The following EPHA6 variants were observed in gnomAD, a reference collection of about 807,000 sequenced individuals.
The protein encoded by EPHA6 is ephrin type-A receptor 6.
In EPHA6, 50 loss-of-function variants were observed where a neutral mutation model predicts 112.0. That is an observed-to-expected ratio of 0.45 (90% confidence interval 0.36 to 0.56). The LOEUF (loss-of-function observed/expected upper bound fraction) is 0.56. Ranked by LOEUF, EPHA6 falls within the 20% of genes least tolerant of loss-of-function variation. The pLI, the probability that EPHA6 is intolerant of heterozygous loss-of-function variation, is 0.00. For missense variants in EPHA6, 1,280 were observed against 1,417.4 expected, an observed-to-expected ratio of 0.90 and a Z score of 1.56; for synonymous variants, 529 against 490.7, an observed-to-expected ratio of 1.08 and a Z score of -1.03.
chr3:97,267,997 G>GAC (rs2079746626), intron 5 of EPHA6, among the ~76,000 whole-genome samples: 1 of 152,122 alleles, frequency 6.6e-6, no homozygotes, highest in African/African-American at 2.4e-5. Context: ...AACAAAGGTA[G>GAC]GGTCTTGCTG....
At chr3:97,199,932 A>C (rs1050901382) in intron 3 of EPHA6, among the ~76,000 whole-genome samples, 1 of 152,138 alleles carries the variant, frequency 6.6e-6, no homozygotes, top group South Asian at 2.1e-4. Flanking sequence ...ATCATGCAAA[A>C]TAATGGCAGC....
rs1336315860 is a variant in EPHA6 at position 97,749,794 on chromosome 3, A to T, written c.*1093A>T. Among the ~76,000 whole-genome samples, 1 of 152,194 alleles carries T rather than the reference A, an allele frequency of 6.6e-6. No homozygotes were observed. Among genetic ancestry groups the T allele is most frequent in the Non-Finnish European group, 1.5e-5 (1 of 68,022 alleles). On this transcript the variant is annotated 3_prime_UTR_variant, in exon 18 of 18. Transcript: ENST00000389672. ...ATCATTTGGTATTGGCACATTTTGC[A>T]AGTTGAAGCGTTCTTATGTTTTCTT...
chr3:97,201,545 T>C (rs2077577019), intron 3 of EPHA6, among the ~76,000 whole-genome samples: 1 of 152,100 alleles, frequency 6.6e-6, no homozygotes, highest in African/African-American at 2.4e-5. Context: ...AAATTAAACA[T>C]ACGAACACTA....
intron 3 of EPHA6, among the ~76,000 whole-genome samples, chr3:97,180,839 G>T (rs2076967788): frequency 1.3e-5 from 2 of 152,070 alleles, no homozygotes; most frequent in South Asian, 4.1e-4. Context: ...CTTGATGCCA[G>T]CCCTCCCTTG....
At chr3:97,649,228 TG>T (rs1352097700) in intron 14 of EPHA6, among the ~76,000 whole-genome samples, 2 of 152,078 alleles carry the variant, frequency 1.3e-5, no homozygotes, top group Non-Finnish European at 2.9e-5. Context: ...ACGTCTTACA[TG>T]GTGACAGGCA....
intron 12 of EPHA6, among the ~76,000 whole-genome samples, chr3:97,603,122 A>G (rs2093655368): frequency 1.3e-5 from 2 of 152,036 alleles, no homozygotes; most frequent in African/African-American, 2.4e-5. Flanking sequence ...ATTTTTCAAT[A>G]TGGTTAGTAT....
intron 3 of EPHA6, among the ~76,000 whole-genome samples, chr3:97,188,341 T>A (rs917349418): frequency 2.6e-5 from 4 of 151,968 alleles, no homozygotes; most frequent in Non-Finnish European, 4.4e-5. Flanking sequence ...AAAATAAATT[T>A]AAAAAATATA....
chr3:97,005,530 G>T (rs571156806), intron 3 of EPHA6, among the ~76,000 whole-genome samples: 1 of 152,250 alleles, frequency 6.6e-6, no homozygotes, highest in Non-Finnish European at 1.5e-5. Context: ...AAATGATGGA[G>T]TTTTCTAAAT....
chr3:97,105,951 T>C (rs1311528447), intron 3 of EPHA6, among the ~76,000 whole-genome samples: 1 of 152,150 alleles, frequency 6.6e-6, no homozygotes, highest in Non-Finnish European at 1.5e-5. Flanking sequence ...GTCTGTTTTG[T>C]CTAAAATTAG....
At chr3:97,352,465 A>G (rs1182691373) in intron 5 of EPHA6, among the ~76,000 whole-genome samples, 2 of 152,192 alleles carry the variant, frequency 1.3e-5, no homozygotes, top group East Asian at 3.9e-4. Context: ...GCCACATGGC[A>G]TAGAGAGAGT....
At chr3:97,589,941 A>G (rs561523241) in intron 11 of EPHA6, among the ~76,000 whole-genome samples, 1 of 152,316 alleles carries the variant, frequency 6.6e-6, no homozygotes, top group Admixed American at 6.5e-5. Flanking sequence ...AGACAGAGTT[A>G]GCAACTTAAG....
At chr3:97,729,628 C>T (rs1053748804) in intron 15 of EPHA6, among the ~76,000 whole-genome samples, 7 of 152,086 alleles carry the variant, frequency 4.6e-5, no homozygotes, top group Non-Finnish European at 8.8e-5. Context: ...GGTGGGGACA[C>T]GGCCAAGCCA....
intron 2 of EPHA6, among the ~76,000 whole-genome samples, chr3:96,874,223 G>A (rs1187325853): frequency 6.6e-6 from 1 of 152,106 alleles, no homozygotes; most frequent in East Asian, 1.9e-4. Context: ...TTATTGAAAA[G>A]TACTGTAAAG....
chr3:96,890,113 C>A (rs1425434556), intron 2 of EPHA6, among the ~76,000 whole-genome samples: 11 of 148,002 alleles, frequency 7.4e-5, no homozygotes, highest in African/African-American at 2.8e-4. Context: ...TAAACCGAAC[C>A]CCCAAAATAA....
intron 12 of EPHA6, among the ~76,000 whole-genome samples, chr3:97,605,235 C>T (rs989548989): frequency 1.3e-5 from 2 of 150,726 alleles, no homozygotes; most frequent in Non-Finnish European, 3.0e-5. Flanking sequence ...AGGCAGTCTT[C>T]CAAAGAAGAG....
chr3:96,946,029 C>A (rs2107703645), intron 2 of EPHA6, among the ~76,000 whole-genome samples: 1 of 152,218 alleles, frequency 6.6e-6, no homozygotes, highest in South Asian at 2.1e-4. Flanking sequence ...AACCACTGAT[C>A]TTTTTCTGTA....
At chr3:97,282,128 AGT>A (rs2080307044) in intron 5 of EPHA6, among the ~76,000 whole-genome samples, 1 of 152,198 alleles carries the variant, frequency 6.6e-6, no homozygotes, top group Non-Finnish European at 1.5e-5. Flanking sequence ...TAATATTTAC[AGT>A]GTCCATATTG....
chr3:97,229,074 T>G (rs1576727446), intron 4 of EPHA6, among the ~76,000 whole-genome samples: 1 of 151,940 alleles, frequency 6.6e-6, no homozygotes, highest in Admixed American at 6.6e-5. Context: ...GATTATTTGG[T>G]TTTTTTTCTT....
At chr3:96,913,446 G>T (rs1286556488) in intron 2 of EPHA6, among the ~76,000 whole-genome samples, 1 of 151,992 alleles carries the variant, frequency 6.6e-6, no homozygotes, top group Non-Finnish European at 1.5e-5. Flanking sequence ...GTCTGTGGCT[G>T]CAAATGCTGC....
Sources: gnomAD v4.1 joint callset for allele counts (sites outside exome capture counted in the v4.1 genomes callset) on GRCh38, gnomAD v4.1.1 for gene constraint, MANE v1.5 for transcripts, NCBI Gene and HGNC (gene_info 2026-07-23, HGNC 2026-07-21) for gene names.